GADL1: variants seen among roughly 807,000 people sequenced by gnomAD.
GADL1 encodes the protein acidic amino acid decarboxylase GADL1.
Under a neutral mutation model 69.5 loss-of-function variants are expected in GADL1, and 71 were observed. The observed-to-expected ratio is 1.02, with a 90% CI of 0.84 to 1.25. GADL1 has a LOEUF of 1.25. Ranked by LOEUF, GADL1 falls within the 50% of genes most tolerant of loss-of-function variation. The pLI is 0.00. For missense variants in GADL1, 737 were observed against 631.8 expected, an observed-to-expected ratio of 1.17 and a Z score of -1.79; for synonymous variants, 254 against 214.4, an observed-to-expected ratio of 1.18 and a Z score of -1.62.
chr3:30,879,745 T>G (rs1181341644), intron 1 of GADL1, among the ~76,000 whole-genome samples: 1 of 151,902 alleles, frequency 6.6e-6, no homozygotes, highest in African/African-American at 2.4e-5. Context: ...TATTACTTTT[T>G]CTTGATGCTA....
chr3:30,867,450 G>GTA (rs1304783597), intron 1 of GADL1, among the ~76,000 whole-genome samples: 2 of 113,416 alleles, frequency 1.8e-5, no homozygotes, highest in South Asian at 3.1e-4. Context: ...ACACATATAT[G>GTA]TATATATATA....
chr3:30,833,226 G>A (rs1361061717), intron 11 of GADL1, among the ~76,000 whole-genome samples: 2 of 151,948 alleles, frequency 1.3e-5, no homozygotes, highest in East Asian at 3.9e-4. Context: ...TTTAACCCAT[G>A]GAAAACACAG....
chr3:30,818,351 G>C (rs543427594), intron 11 of GADL1, among the ~76,000 whole-genome samples: 1 of 152,070 alleles, frequency 6.6e-6, no homozygotes, highest in East Asian at 1.9e-4. Context: ...GTACAAAAAG[G>C]GAACTTTATT....
intron 1 of GADL1, among the ~76,000 whole-genome samples, chr3:30,882,676 A>T (rs545619933): frequency 3.9e-5 from 6 of 152,056 alleles, no homozygotes; most frequent in African/African-American, 1.2e-4. Flanking sequence ...TAAGGTAGAT[A>T]CTCAGAAGTA....
chr3:30,741,417 G>A (rs1321987987), intron 14 of GADL1, among the ~76,000 whole-genome samples: 1 of 151,898 alleles, frequency 6.6e-6, no homozygotes, highest in Non-Finnish European at 1.5e-5. Flanking sequence ...GAACAAGCCT[G>A]CCTTTCCCCA....
intron 11 of GADL1, 69 bp downstream of exon 11, chr3:30,833,784 A>G (rs1697828451): frequency 5.5e-6 from 6 of 1,092,646 alleles, no homozygotes; most frequent in Admixed American, 1.7e-5. Flanking sequence ...ATGAGCAAAA[A>G]TGAAGCCCTT....
At chr3:30,779,075 ACTTG>A (rs1358019178) in intron 13 of GADL1, 4 of 152,200 alleles carry the variant, frequency 2.6e-5, no homozygotes, top group Non-Finnish European at 2.9e-5. Flanking sequence ...ATCAGACATG[ACTTG>A]CTTAAACATG....
intron 11 of GADL1, among the ~76,000 whole-genome samples, chr3:30,815,551 C>T (rs1168977294): frequency 6.6e-6 from 1 of 152,098 alleles, no homozygotes; most frequent in Non-Finnish European, 1.5e-5. Flanking sequence ...TTCTGTACAA[C>T]CTTGGCTGAA....
intron 14 of GADL1, among the ~76,000 whole-genome samples, chr3:30,767,138 T>C (rs1405749228): frequency 6.6e-6 from 1 of 152,092 alleles, no homozygotes; most frequent in African/African-American, 2.4e-5. Flanking sequence ...CTGTTATTGA[T>C]GGAAAAAATG....
At chr3:30,845,905 C>T (rs1698045272) in intron 6 of GADL1, among the ~76,000 whole-genome samples, 1 of 152,036 alleles carries the variant, frequency 6.6e-6, no homozygotes, top group African/African-American at 2.4e-5. Flanking sequence ...TAAGGAAAAG[C>T]ACAATGCTCT....
intron 11 of GADL1, among the ~76,000 whole-genome samples, chr3:30,813,579 T>A (rs1697401907): frequency 6.6e-6 from 1 of 152,254 alleles, no homozygotes; most frequent in South Asian, 2.1e-4. Flanking sequence ...CAATTTTACC[T>A]GTAGCAGTAA....
intron 4 of GADL1, among the ~76,000 whole-genome samples, 188 bp downstream of exon 4, chr3:30,854,511 C>T (rs1698197935): frequency 6.6e-6 from 1 of 152,060 alleles, no homozygotes; most frequent in Non-Finnish European, 1.5e-5. Context: ...CTGCCTTTTC[C>T]ATCTCACGGT....
chr3:30,754,723 G>T (rs2042357863), intron 14 of GADL1, among the ~76,000 whole-genome samples: 1 of 152,184 alleles, frequency 6.6e-6, no homozygotes, highest in Admixed American at 6.5e-5. Context: ...GGCTGACAGA[G>T]CAAATTAAGC....
intron 11 of GADL1, among the ~76,000 whole-genome samples, chr3:30,819,496 GC>G (rs1322851082): frequency 1.3e-5 from 2 of 152,054 alleles, no homozygotes; most frequent in Non-Finnish European, 2.9e-5. Flanking sequence ...AGTAAACTCA[GC>G]CTTTGCTCAG....
chr3:30,889,091 A>ATG (rs2125547752), intron 1 of GADL1, among the ~76,000 whole-genome samples: 6 of 144,672 alleles, frequency 4.1e-5, no homozygotes, highest in Admixed American at 1.4e-4. Flanking sequence ...CTATAAAAAA[A>ATG]AAAAAAAAAA....
chr3:30,819,960 T>C (rs1334289650), intron 11 of GADL1, among the ~76,000 whole-genome samples: 2 of 152,084 alleles, frequency 1.3e-5, no homozygotes, highest in Admixed American at 1.3e-4. Flanking sequence ...AAGAGTTTTA[T>C]AATTAAATTT....
chr3:30,867,355 T>A (rs1346264371), intron 1 of GADL1, among the ~76,000 whole-genome samples: 1 of 104,582 alleles, frequency 9.6e-6, no homozygotes, highest in Non-Finnish European at 2.1e-5. Flanking sequence ...ACTCCTTTAA[T>A]AATTATGTAT....
intron 11 of GADL1, among the ~76,000 whole-genome samples, chr3:30,827,610 A>G (rs186188672): frequency 5.3e-4 from 81 of 152,092 alleles, no homozygotes; most frequent in Admixed American, 9.8e-4. Context: ...TTATAGAGAA[A>G]GAAAGCAGAA....
rs551602943 is a variant in GADL1 at position 30,788,400 on chromosome 3, G to A, written c.1251-1994C>T. ...ATGTCTAAAACACAATGCACATGCC[G>A]TGACTAAAAATACCTTATTGCTAAA... On this transcript the variant is annotated intron_variant, in intron 12 of 14. Coordinates refer to ENST00000282538, the MANE Select transcript of GADL1 (RefSeq NM_207359.3). Among the ~76,000 whole-genome samples, 24 of 152,270 alleles carry A rather than the reference G, an allele frequency of 1.6e-4. No individual in the cohort carries two copies. In the South Asian group the frequency reaches 3.1e-3, roughly 20 times the overall value.
Sources: gnomAD v4.1 joint callset for allele counts (sites outside exome capture counted in the v4.1 genomes callset) on GRCh38, gnomAD v4.1.1 for gene constraint, MANE v1.5 for transcripts, NCBI Gene and HGNC (gene_info 2026-07-23, HGNC 2026-07-21) for gene names.